The following SYNDIG1 variants were observed in gnomAD, a reference collection of about 807,000 sequenced individuals.
The protein encoded by SYNDIG1 is synapse differentiation inducing 1, also known as synapse differentiation-inducing gene protein 1.
SYNDIG1 carries 9 observed loss-of-function variants against 19.4 expected under a neutral mutation model. The observed-to-expected ratio is 0.46, with a 90% CI of 0.28 to 0.81. The LOEUF is 0.81. SYNDIG1 is among the 30% of genes least tolerant of loss of function. The pLI, the probability that SYNDIG1 is intolerant of heterozygous loss-of-function variation, is 0.12. For synonymous variants in SYNDIG1, 141 were observed against 145.9 expected, an observed-to-expected ratio of 0.97 and a Z score of 0.24; for missense variants, 311 against 343.3, an observed-to-expected ratio of 0.91 and a Z score of 0.74.
rs151333355 is a variant in SYNDIG1, at chr20:24,477,171, A to G, written c.-79+7418A>G. 8.1e-3 allele frequency among the ~76,000 whole-genome samples: 1,234 copies of G among 152,266 alleles called. 16 individuals are homozygous for G. Among genetic ancestry groups the G allele is most frequent in the African/African-American group, 0.026 (1,078 of 41,546 alleles). On this transcript the variant is annotated intron_variant, in intron 1 of 3. Coordinates refer to ENST00000376862, the MANE Select transcript of SYNDIG1 (RefSeq NM_024893.3). ...TGCGTCACACTCTTGGGACACAAAA[A>G]TGAGTTTGCATCCCTAATCTCAGCA...
At chr20:24,626,575 G>A (rs1403830656) in intron 3 of SYNDIG1, among the ~76,000 whole-genome samples, 1 of 150,424 alleles carries the variant, frequency 6.6e-6, no homozygotes, top group Non-Finnish European at 1.5e-5. Context: ...GGGCAGAGAC[G>A]CTCCTCACTT....
Position 24,543,055 on chromosome 20 carries a change from T to C in SYNDIG1, c.-43T>C. On this transcript the variant is annotated 5_prime_UTR_variant, in exon 2 of 4. Transcript: ENST00000376862. ...TTCCCTGAGGCAAGTGTAACCTACA[T>C]TCCCAGCCCACCAGCCTGACGCCCA... 1 of 1,587,922 alleles carries C rather than the reference T, an allele frequency of 6.3e-7. No individual in the cohort carries two copies. The highest frequency in any genetic ancestry group is 8.6e-7 in the Non-Finnish European group (1 of 1,164,046).
chr20:24,637,445 T>C (rs1178636221), intron 3 of SYNDIG1, among the ~76,000 whole-genome samples: 2 of 152,106 alleles, frequency 1.3e-5, no homozygotes, highest in Admixed American at 6.5e-5. Context: ...AAGACAACCC[T>C]CTCATTCAGA....
rs572955006 is a variant in SYNDIG1, at chr20:24,497,615, C to A, written c.-79+27862C>A. Among the ~76,000 whole-genome samples, 48 of 152,324 alleles carry A rather than the reference C, an allele frequency of 3.2e-4. 2 individuals carry two copies. In the South Asian group the frequency reaches 9.3e-3, roughly 30 times the overall value. On this transcript the variant is annotated intron_variant, in intron 1 of 3. Transcript: ENST00000376862. ...AGTCTTCTATGTGCACTGTACTGCC[C>A]ATGCCATACAGAGGGGAGGTAAGAA...
chr20:24,490,232 G>A (rs766400215), intron 1 of SYNDIG1, among the ~76,000 whole-genome samples: 2 of 152,226 alleles, frequency 1.3e-5, no homozygotes, highest in African/African-American at 2.4e-5. Context: ...TGAGGAACAC[G>A]CAGATCACAG....
At chr20:24,647,366 G>A (rs1286077915) in intron 3 of SYNDIG1, among the ~76,000 whole-genome samples, 1 of 152,136 alleles carries the variant, frequency 6.6e-6, no homozygotes, top group Non-Finnish European at 1.5e-5. Flanking sequence ...CAGAATCGGG[G>A]GAATCTGCTT....
chr20:24,521,905 A>C (rs2057013530), intron 1 of SYNDIG1, among the ~76,000 whole-genome samples: 2 of 151,550 alleles, frequency 1.3e-5, no homozygotes, highest in Non-Finnish European at 2.9e-5. Context: ...CTCTCAAAAA[A>C]AAAAAAAAAA....
intron 3 of SYNDIG1, among the ~76,000 whole-genome samples, chr20:24,626,190 G>C (rs1340548110): frequency 7.6e-6 from 1 of 131,628 alleles, no homozygotes; most frequent in Non-Finnish European, 1.6e-5. Context: ...CCTCCCTCCC[G>C]GACGGGGCGG....
intron 3 of SYNDIG1, among the ~76,000 whole-genome samples, chr20:24,657,846 T>TG (rs2059543963): frequency 8.0e-6 from 1 of 124,986 alleles, no homozygotes; most frequent in African/African-American, 3.7e-5. Context: ...TTTACAATAA[T>TG]GCAAAGAAAT....
chr20:24,535,679 A>G (rs554362455), intron 1 of SYNDIG1, among the ~76,000 whole-genome samples: 1 of 152,324 alleles, frequency 6.6e-6, no homozygotes, highest in Admixed American at 6.5e-5. Context: ...CCTTGGCTAT[A>G]AAGATTAATA....
rs571622904 is a variant in SYNDIG1, at chr20:24,631,571, A to G, written c.619-33775A>G. Among the ~76,000 whole-genome samples, 53 of 152,336 alleles carry G rather than the reference A, an allele frequency of 3.5e-4. No individual in the cohort carries two copies. In the South Asian group the frequency reaches 7.0e-3, roughly 20 times the overall value. On this transcript the variant is annotated intron_variant, in intron 3 of 3. Coordinates refer to ENST00000376862, the MANE Select transcript of SYNDIG1 (RefSeq NM_024893.3). ...TGAGATTTTTATATTTGGGATCAGG[A>G]GGACCTTTTTAGTTTATCAGGGCTA... is the stretch of plus-strand genomic sequence containing the variant.
intron 2 of SYNDIG1, among the ~76,000 whole-genome samples, chr20:24,557,578 C>G (rs1200863597): frequency 6.6e-6 from 1 of 152,150 alleles, no homozygotes; most frequent in Non-Finnish European, 1.5e-5. Flanking sequence ...CACTCCAGAC[C>G]CTGTTTGCCT....
At chr20:24,571,285 C>A (rs963394709) in intron 2 of SYNDIG1, among the ~76,000 whole-genome samples, 1 of 152,220 alleles carries the variant, frequency 6.6e-6, no homozygotes, top group East Asian at 1.9e-4. Context: ...TGGTGAAATC[C>A]GATTAAGGTC....
intron 3 of SYNDIG1, among the ~76,000 whole-genome samples, chr20:24,650,813 C>T (rs1316727097): frequency 2.0e-5 from 3 of 148,064 alleles, no homozygotes; most frequent in African/African-American, 7.6e-5. Flanking sequence ...CCAAGGACCA[C>T]GCAATGACTC....
chr20:24,639,316 C>T (rs564232748), intron 3 of SYNDIG1, among the ~76,000 whole-genome samples: 24 of 152,250 alleles, frequency 1.6e-4, no homozygotes, highest in African/African-American at 4.8e-4. Context: ...CTGGGGGCTT[C>T]GTATGTGACA....
At chr20:24,657,400 A>G (rs2059537642) in intron 3 of SYNDIG1, among the ~76,000 whole-genome samples, 1 of 152,150 alleles carries the variant, frequency 6.6e-6, no homozygotes. Flanking sequence ...CCTTGGATGT[A>G]GTGATTCAGA....
chr20:24,561,008 T>A (rs2057935155), intron 2 of SYNDIG1, among the ~76,000 whole-genome samples: 2 of 151,786 alleles, frequency 1.3e-5, no homozygotes, highest in Non-Finnish European at 2.9e-5. Flanking sequence ...TTTTTTTTTT[T>A]AACTCTTTTT....
chr20:24,561,715 C>T (rs1033504772), intron 2 of SYNDIG1, among the ~76,000 whole-genome samples: 6 of 152,280 alleles, frequency 3.9e-5, no homozygotes, highest in Middle Eastern at 3.4e-3. Context: ...GGCATGAGAT[C>T]GGCCTGCCTC....
intron 1 of SYNDIG1, among the ~76,000 whole-genome samples, chr20:24,476,163 A>G (rs1253544157): frequency 2.0e-5 from 3 of 152,160 alleles, no homozygotes; most frequent in African/African-American, 7.2e-5. Flanking sequence ...GCCCAGCCTA[A>G]TGTGCATAGT....
Sources: gnomAD v4.1 joint callset for allele counts (sites outside exome capture counted in the v4.1 genomes callset) on GRCh38, gnomAD v4.1.1 for gene constraint, MANE v1.5 for transcripts, NCBI Gene and HGNC (gene_info 2026-07-23, HGNC 2026-07-21) for gene names.